Variants in ADAMTS12 observed in about 807,000 individuals in gnomAD.
The protein encoded by ADAMTS12 is A disintegrin and metalloproteinase with thrombospondin motifs 12.
Under a neutral mutation model 167.8 loss-of-function variants are expected in ADAMTS12, and 118 were observed. The observed-to-expected ratio is 0.70, with a 90% confidence interval of 0.61 to 0.82. The LOEUF (loss-of-function observed/expected upper bound fraction) is 0.82. ADAMTS12 is among the 40% of genes least tolerant of loss of function. ADAMTS12 has a pLI of 0.00. For synonymous variants in ADAMTS12, 704 were observed against 716.9 expected, an observed-to-expected ratio of 0.98 and a Z score of 0.29; for missense variants, 1,916 against 1,998.8, an observed-to-expected ratio of 0.96 and a Z score of 0.79.
chr5:33,759,929 C>T (rs147315924), intron 2 of ADAMTS12, among the ~76,000 whole-genome samples: 26 of 152,178 alleles, frequency 1.7e-4, no homozygotes, highest in Non-Finnish European at 3.4e-4. Context: ...GAGAATAAGG[C>T]GTCAGGTGAC....
chr5:33,663,537 G>A (rs1376742323), intron 5 of ADAMTS12, among the ~76,000 whole-genome samples: 1 of 152,140 alleles, frequency 6.6e-6, no homozygotes, highest in Non-Finnish European at 1.5e-5. Flanking sequence ...TCTTTTAATT[G>A]CATCTACTCA....
intron 9 of ADAMTS12, among the ~76,000 whole-genome samples, chr5:33,648,186 G>A (rs1740747697): frequency 1.3e-5 from 2 of 152,142 alleles, no homozygotes; most frequent in Admixed American, 6.5e-5. Context: ...TGTGGTCAGC[G>A]GGGACCCTAA....
chr5:33,610,804 T>C (rs149444700), intron 16 of ADAMTS12, among the ~76,000 whole-genome samples: 1 of 152,312 alleles, frequency 6.6e-6, no homozygotes, highest in African/African-American at 2.4e-5. Context: ...CAGTGGCTCA[T>C]GCCTGTAATT....
intron 2 of ADAMTS12, among the ~76,000 whole-genome samples, chr5:33,831,965 T>A (rs1167756445): frequency 1.3e-5 from 2 of 152,112 alleles, no homozygotes; most frequent in Admixed American, 6.5e-5. Flanking sequence ...CAGTTACAAT[T>A]AGGAGACAGG....
intron 22 of ADAMTS12, among the ~76,000 whole-genome samples, chr5:33,537,759 A>G (rs1244675240): frequency 6.6e-6 from 1 of 152,222 alleles, no homozygotes; most frequent in Non-Finnish European, 1.5e-5. Flanking sequence ...TTGACACAGC[A>G]TTAGAGTGGA....
At chr5:33,784,818 T>A (rs1239902418) in intron 2 of ADAMTS12, among the ~76,000 whole-genome samples, 1 of 152,066 alleles carries the variant, frequency 6.6e-6, no homozygotes, top group Non-Finnish European at 1.5e-5. Context: ...TAGAAATTAA[T>A]AAGCTGATTC....
At chr5:33,857,771 A>T (rs975824859) in intron 2 of ADAMTS12, among the ~76,000 whole-genome samples, 70 of 152,364 alleles carry the variant, frequency 4.6e-4, no homozygotes, top group African/African-American at 1.6e-3. Context: ...AACATTATAC[A>T]ATGATAACCA....
At chr5:33,594,856 C>T (rs1400854978) in intron 17 of ADAMTS12, among the ~76,000 whole-genome samples, 1 of 152,158 alleles carries the variant, frequency 6.6e-6, no homozygotes, top group Non-Finnish European at 1.5e-5. Context: ...ACTGTCTTGT[C>T]CTGACTCTTC....
At chr5:33,648,801 G>A (rs6870538) in intron 9 of ADAMTS12, 21 bp downstream of exon 9, 2 of 1,613,358 alleles carry the variant, frequency 1.2e-6, no homozygotes, top group Non-Finnish European at 8.5e-7. Flanking sequence ...CCTGCATATA[G>A]CCACCAAGAG....
chr5:33,739,499 G>A (rs1374486296), intron 3 of ADAMTS12, among the ~76,000 whole-genome samples: 6 of 152,200 alleles, frequency 3.9e-5, no homozygotes, highest in African/African-American at 1.2e-4. Context: ...GTGTGCATAC[G>A]TGTGTGGTCT....
intron 23 of ADAMTS12, among the ~76,000 whole-genome samples, chr5:33,534,050 A>T (rs1457098773): frequency 6.6e-6 from 1 of 152,222 alleles, no homozygotes; most frequent in South Asian, 2.1e-4. Context: ...AAGCCCAAAC[A>T]ATCAGTGGAA....
At chr5:33,536,739 C>G (rs1744433716) in intron 22 of ADAMTS12, among the ~76,000 whole-genome samples, 1 of 152,160 alleles carries the variant, frequency 6.6e-6, no homozygotes, top group Non-Finnish European at 1.5e-5. Context: ...AGTCCACCCC[C>G]GATAGACTCA....
At chr5:33,712,421 G>T (rs13362069) in intron 3 of ADAMTS12, among the ~76,000 whole-genome samples, 36,773 of 151,926 alleles carry the variant, frequency 0.24, 4,876 homozygotes, top group East Asian at 0.58. Flanking sequence ...GCAGGGAGAA[G>T]AACTGCATAG....
chr5:33,864,318 C>A (rs1749728507), intron 2 of ADAMTS12, among the ~76,000 whole-genome samples: 1 of 152,072 alleles, frequency 6.6e-6, no homozygotes, highest in Non-Finnish European at 1.5e-5. Context: ...GAATGGCCAT[C>A]ATTAAAAAGT....
chr5:33,819,822 G>T (rs989324313), intron 2 of ADAMTS12, among the ~76,000 whole-genome samples: 35 of 152,116 alleles, frequency 2.3e-4, no homozygotes. Flanking sequence ...GGACAAAGAG[G>T]CAGTAAAAGG....
In ADAMTS12 at chr5:33,804,244, C is replaced by T. The variant is rs970078324; in HGVS notation, c.490-52696G>A. Among the ~76,000 whole-genome samples, 5 of 152,158 alleles carry T rather than the reference C, an allele frequency of 3.3e-5. No homozygotes were observed. In the South Asian group the frequency reaches 1.0e-3, roughly 32 times the overall value. On this transcript the variant is annotated intron_variant, in intron 2 of 23. Coordinates refer to ENST00000504830, the MANE Select transcript of ADAMTS12 (RefSeq NM_030955.4). ...TTCCCCCATCTTCATATATAGAGTT[C>T]CCTGCCCCTTGACTTTGGGCTCATC...
chr5:33,689,512 TGTCTACGAGTGCA>T (rs1742475680), intron 3 of ADAMTS12, among the ~76,000 whole-genome samples: 1 of 152,172 alleles, frequency 6.6e-6, no homozygotes, highest in Non-Finnish European at 1.5e-5. Flanking sequence ...GAAGGACATT[TGTCTACGAGTGCA>T]GTAGGAGGTA....
chr5:33,589,948 C>G (rs1747551937), intron 17 of ADAMTS12, among the ~76,000 whole-genome samples: 1 of 152,014 alleles, frequency 6.6e-6, no homozygotes, highest in Admixed American at 6.6e-5. Context: ...GAAAGCAATT[C>G]CTCAATTCAA....
chr5:33,819,890 T>C (rs1391941634), intron 2 of ADAMTS12, among the ~76,000 whole-genome samples: 1 of 152,268 alleles, frequency 6.6e-6, no homozygotes, highest in East Asian at 1.9e-4. Flanking sequence ...GAGCTAAAAG[T>C]TGGCCATCTC....
Sources: allele counts gnomAD v4.1 joint callset (sites outside exome capture counted in the v4.1 genomes callset), GRCh38; gene constraint gnomAD v4.1.1; transcripts MANE v1.5; gene names NCBI Gene and HGNC (gene_info 2026-07-23, HGNC 2026-07-21).